DMD: variants seen among roughly 807,000 people sequenced by gnomAD.
DMD encodes the protein dystrophin.
DMD carries 63 observed loss-of-function variants against 330.1 expected under a neutral mutation model. That is an observed-to-expected ratio of 0.19 (90% CI 0.16 to 0.24). DMD has a LOEUF of 0.24. Ranked by LOEUF, DMD falls within the 10% of genes least tolerant of loss-of-function variation. The pLI is 1.00. For synonymous variants in DMD, 1,223 were observed against 959.8 expected (o/e 1.27, Z -5.07); for missense variants, 3,344 against 2,684.1 (o/e 1.25, Z -5.43).
chrX:33,326,671 A>G (rs1352166284), intron 1 of DMD, among the ~76,000 whole-genome samples: 1 of 112,105 alleles, frequency 8.9e-6, no homozygotes, highest in Non-Finnish European at 1.9e-5. Context: ...TATAATCTAT[A>G]AATAATATAA....
intron 53 of DMD, among the ~76,000 whole-genome samples, chrX:31,663,798 A>C (rs1053783761): frequency 9.0e-6 from 1 of 110,780 alleles, no homozygotes; most frequent in African/African-American, 3.3e-5. Context: ...AACAACAATA[A>C]TCTGCACTCT....
At chrX:32,735,743 C>G (rs1336499075) in intron 7 of DMD, among the ~76,000 whole-genome samples, 1 of 111,832 alleles carries the variant, frequency 8.9e-6, no homozygotes, top group African/African-American at 3.3e-5. Flanking sequence ...ATCCCTTCCT[C>G]ACACCTTATA....
At chrX:31,434,967 G>A (rs1170859929) in intron 60 of DMD, among the ~76,000 whole-genome samples, 1 of 111,965 alleles carries the variant, frequency 8.9e-6, no homozygotes, top group Non-Finnish European at 1.9e-5. Context: ...AGGAAATGTT[G>A]TCATGTCAAT....
At chrX:32,781,604 C>G (rs1352304633) in intron 7 of DMD, among the ~76,000 whole-genome samples, 1 of 109,850 alleles carries the variant, frequency 9.1e-6, no homozygotes, top group Admixed American at 9.9e-5. Flanking sequence ...CCAGTAATCC[C>G]TCTTCCCTTG....
intron 44 of DMD, among the ~76,000 whole-genome samples, chrX:32,083,691 A>G (rs1294238261): frequency 8.9e-6 from 1 of 112,831 alleles, no homozygotes; most frequent in Non-Finnish European, 1.9e-5. Flanking sequence ...AATTCAATAC[A>G]CTACTGGATT....
rs1456012505 is a variant in DMD, at chrX:33,009,984, G to GTGTGTA, written c.93+10149_93+10154dup. Among the ~76,000 whole-genome samples the GTGTGTA allele has an allele frequency of 7.4e-5, 4 of 53,993 alleles. 1 individual carries two copies. Among genetic ancestry groups the GTGTGTA allele is most frequent in the Non-Finnish European group, 6.5e-5 (2 of 30,763 alleles). 46.9% of individuals were successfully genotyped at this position (53,993 alleles called of 115,157 possible). A position where few individuals can be genotyped will look rare whatever the true frequency, so the allele number is the denominator to read the frequency against. On this transcript the variant is annotated intron_variant, in intron 2 of 78. Transcript: ENST00000357033. The stretch of plus-strand genomic sequence containing the variant: ...TATACACATATGTGTGTATACACAT[G>GTGTGTA]TGTGTATATACACGTATGTATGTGT...
intron 43 of DMD, among the ~76,000 whole-genome samples, chrX:32,236,434 C>T (rs898806477): frequency 5.4e-5 from 6 of 111,775 alleles, no homozygotes; most frequent in African/African-American, 1.3e-4. Flanking sequence ...TGTTCCAGTC[C>T]GATGGGAGTA....
intron 51 of DMD, among the ~76,000 whole-genome samples, chrX:31,744,064 C>T (rs1222144799): frequency 9.0e-6 from 1 of 110,949 alleles, no homozygotes; most frequent in African/African-American, 3.3e-5. Flanking sequence ...GACAGGGTCT[C>T]ACTTTGTTTC....
At chrX:32,155,056 C>T (rs1215717966) in intron 44 of DMD, among the ~76,000 whole-genome samples, 1 of 104,090 alleles carries the variant, frequency 9.6e-6, no homozygotes, top group Non-Finnish European at 1.9e-5. Context: ...CTTGCCCTTG[C>T]TGTGTTTTTT....
intron 41 of DMD, among the ~76,000 whole-genome samples, chrX:32,335,354 G>A (rs1048672898): frequency 2.8e-5 from 3 of 105,874 alleles, no homozygotes; most frequent in Non-Finnish European, 5.8e-5. Context: ...GCAACTGCCA[G>A]CAAGCCTGGC....
chrX:31,267,659 G>C (rs1344359342), intron 62 of DMD, among the ~76,000 whole-genome samples: 1 of 112,734 alleles, frequency 8.9e-6, no homozygotes, highest in African/African-American at 3.2e-5. Context: ...TGGTCCTTTA[G>C]TATTCTTTTA....
intron 15 of DMD, 77 bp from the exon 16 acceptor site, chrX:32,565,958 T>A (rs370665494): frequency 2.2e-6 from 2 of 925,543 alleles, no homozygotes; most frequent in East Asian, 3.2e-5. Context: ...TGCTTTTGCG[T>A]GTATTTGCTC....
At chrX:32,252,665 T>TAAATATATATAAATATATATAA (rs2097269615) in intron 43 of DMD, among the ~76,000 whole-genome samples, 1 of 42,808 alleles carries the variant, frequency 2.3e-5, no homozygotes, top group Non-Finnish European at 3.5e-5. Context: ...AATATATAAA[T>TAAATATATATAAATATATATAA]ATATATATAT....
intron 47 of DMD, among the ~76,000 whole-genome samples, chrX:31,903,168 G>T (rs1048107857): frequency 1.8e-5 from 2 of 111,814 alleles, no homozygotes; most frequent in South Asian, 3.7e-4. Context: ...TAGCCAAATT[G>T]TTGTCACTTC....
chrX:31,819,576 G>C (rs985662891), intron 50 of DMD, among the ~76,000 whole-genome samples: 1 of 112,953 alleles, frequency 8.9e-6, no homozygotes, highest in Non-Finnish European at 1.9e-5. Flanking sequence ...CCTGGCCAAT[G>C]GCTGGCTGGA....
intron 2 of DMD, among the ~76,000 whole-genome samples, chrX:32,853,757 AAC>A (rs1464892759): frequency 2.1e-4 from 20 of 95,594 alleles, no homozygotes; most frequent in East Asian, 6.6e-4. Context: ...CTCCAATCAA[AAC>A]ACAGTGACAG....
chrX:31,789,938 G>A (rs888050320), intron 50 of DMD, among the ~76,000 whole-genome samples: 33 of 111,348 alleles, frequency 3.0e-4, no homozygotes, highest in Middle Eastern at 4.6e-3. Context: ...CTAAATACTG[G>A]TGGAAACTAT....
chrX:33,022,044 A>G (rs7881719), intron 1 of DMD, among the ~76,000 whole-genome samples: 6,102 of 111,614 alleles, frequency 0.055, 424 homozygotes, highest in African/African-American at 0.18. Flanking sequence ...AGATTGGTCA[A>G]CGCATCATTT....
intron 9 of DMD, among the ~76,000 whole-genome samples, chrX:32,651,373 C>A (rs1431489366): frequency 9.0e-6 from 1 of 111,264 alleles, no homozygotes; most frequent in African/African-American, 3.3e-5. Context: ...AAACTCCTGA[C>A]CTCAGGTCAT....
Sources: gnomAD v4.1 joint callset for allele counts (sites outside exome capture counted in the v4.1 genomes callset) on GRCh38, gnomAD v4.1.1 for gene constraint, MANE v1.5 for transcripts, NCBI Gene and HGNC (gene_info 2026-07-23, HGNC 2026-07-21) for gene names.